SMCO4: variants seen among roughly 807,000 people sequenced by gnomAD.
SMCO4 encodes single-pass membrane and coiled-coil domain-containing protein 4.
In SMCO4, 4 loss-of-function variants were observed where a neutral mutation model predicts 3.6. The observed-to-expected ratio is 1.11, with a 90% CI of 0.54 to 2.53. The LOEUF (loss-of-function observed/expected upper bound fraction) is 2.53, where lower values mean the gene tolerates loss of function less well. Among genes scored for constraint, SMCO4 ranks in the 30% most tolerant of loss-of-function variants. The pLI is 0.02. For synonymous variants in SMCO4, 36 were observed against 35.3 expected (o/e 1.02, Z -0.07); for missense variants, 70 against 80.8 (o/e 0.87, Z 0.51).
At chr11:93,514,585 G>A (rs1375340279) in intron 1 of SMCO4, among the ~76,000 whole-genome samples, 2 of 151,218 alleles carry the variant, frequency 1.3e-5, no homozygotes, top group South Asian at 2.1e-4. Flanking sequence ...TTTTCCATAC[G>A]TACATGATTT....
At chr11:93,515,917 T>G (rs1250750723) in intron 1 of SMCO4, among the ~76,000 whole-genome samples, 1 of 152,184 alleles carries the variant, frequency 6.6e-6, no homozygotes, top group African/African-American at 2.4e-5. Flanking sequence ...CTCTCCAGTC[T>G]GACCCCCTTT....
intron 1 of SMCO4, chr11:93,523,414 C>G (rs1382091099): frequency 6.6e-6 from 1 of 152,638 alleles, no homozygotes; most frequent in African/African-American, 2.4e-5. Context: ...TCCCAGCACT[C>G]TGGGAGGCCA....
chr11:93,500,762 G>A (rs1012512196), intron 1 of SMCO4, among the ~76,000 whole-genome samples: 1 of 152,224 alleles, frequency 6.6e-6, no homozygotes, highest in Admixed American at 6.5e-5. Flanking sequence ...GAGTTAGAGG[G>A]TCTATAAAGA....
At chr11:93,505,755 A>G (rs1024641672) in intron 1 of SMCO4, among the ~76,000 whole-genome samples, 1 of 152,188 alleles carries the variant, frequency 6.6e-6, no homozygotes, top group African/African-American at 2.4e-5. Context: ...ATTCATCAAC[A>G]CTTACTGATA....
At chr11:93,527,501 G>A (rs2134627550) in intron 1 of SMCO4, among the ~76,000 whole-genome samples, 1 of 152,310 alleles carries the variant, frequency 6.6e-6, no homozygotes, top group East Asian at 1.9e-4. Flanking sequence ...CTGTCACCCA[G>A]GCTGGAGTGC....
chr11:93,522,554 A>G (rs527864078), intron 1 of SMCO4, among the ~76,000 whole-genome samples: 17 of 152,234 alleles, frequency 1.1e-4, no homozygotes, highest in Non-Finnish European at 2.5e-4. Flanking sequence ...CATCCGTTGT[A>G]TTCCACATGG....
rs567230081 is a variant in SMCO4, at chr11:93,538,362, A to G, written c.-154+4914T>C. On this transcript the variant is annotated intron_variant, in intron 1 of 2. Coordinates refer to ENST00000298966, the MANE Select transcript of SMCO4 (RefSeq NM_020179.3). ...GATCAACTCTTATGGAATAGCCAAA[A>G]CTGAGGACCAAACCCTGGTGGGTCC... is the stretch of plus-strand genomic sequence containing the variant. 4.6e-5 allele frequency among the ~76,000 whole-genome samples: 7 copies of G among 152,330 alleles called. No individual in the cohort carries two copies. In the East Asian group the frequency reaches 1.4e-3, roughly 29 times the overall value.
rs188680988 is a variant in SMCO4, at chr11:93,508,874, C to G, written c.-153-9526G>C. 3.9e-5 allele frequency among the ~76,000 whole-genome samples: 6 copies of G among 152,310 alleles called. No homozygotes were observed. The East Asian group carries it at 1.2e-3, about 29-fold the overall frequency. On this transcript the variant is annotated intron_variant, in intron 1 of 2. Coordinates refer to ENST00000298966, the MANE Select transcript of SMCO4 (RefSeq NM_020179.3). The stretch of plus-strand genomic sequence containing the variant: ...GAAGGAGCAGGAAACACTTCCAGAG[C>G]AAAGTAGACCTCTGCAGAGCCTGGA...
At chr11:93,543,064 G>A (rs1034296663) in intron 1 of SMCO4, among the ~76,000 whole-genome samples, 1 of 151,742 alleles carries the variant, frequency 6.6e-6, no homozygotes, top group Non-Finnish European at 1.5e-5. Context: ...CGAGTCCCTC[G>A]GGCCCCCAAC....
upstream of SMCO4, among the ~76,000 whole-genome samples, chr11:93,544,677 TA>T (rs1949301539): frequency 6.6e-6 from 1 of 152,074 alleles, no homozygotes; most frequent in African/African-American, 2.4e-5. Flanking sequence ...TCCTGCTGCG[TA>T]CAAAAGGCAG....
chr11:93,513,192 T>G (rs575123253), intron 1 of SMCO4, among the ~76,000 whole-genome samples: 13 of 152,320 alleles, frequency 8.5e-5, no homozygotes, highest in African/African-American at 3.1e-4. Context: ...TGAGTTTCAG[T>G]TCCCTCTTTT....
chr11:93,494,983 C>T (rs968468355), intron 2 of SMCO4, among the ~76,000 whole-genome samples: 53 of 152,232 alleles, frequency 3.5e-4, no homozygotes, highest in African/African-American at 1.2e-3. Flanking sequence ...ACCACAGCAG[C>T]GACCCTCCTC....
At chr11:93,481,134 G>C (rs1948587863) in intron 2 of SMCO4, among the ~76,000 whole-genome samples, 1 of 152,102 alleles carries the variant, frequency 6.6e-6, no homozygotes, top group South Asian at 2.1e-4. Flanking sequence ...TCTTCCAAAG[G>C]ACTTCCAGGC....
chr11:93,493,181 A>C (rs978254859), intron 2 of SMCO4, among the ~76,000 whole-genome samples: 3 of 152,190 alleles, frequency 2.0e-5, no homozygotes, highest in African/African-American at 7.2e-5. Context: ...TGAGCACTGA[A>C]GACAAGGTTT....
In SMCO4 at chr11:93,514,375, T is replaced by C. The variant is rs1227225859; in HGVS notation, c.-153-15027A>G. Among the ~76,000 whole-genome samples, 32 of 2,588 alleles carry C rather than the reference T, an allele frequency of 0.012. No homozygotes were observed. In the South Asian group the frequency reaches 0.19, roughly 15 times the overall value. 1.7% of individuals were successfully genotyped at this position (2,588 alleles called of 152,430 possible). On this transcript the variant is annotated intron_variant, in intron 1 of 2. Coordinates refer to ENST00000298966, the MANE Select transcript of SMCO4 (RefSeq NM_020179.3). ...AAGGAAAAATAAAACAGGATGAGGC[T>C]ATATATATATATATATATATATATA... is the stretch of plus-strand genomic sequence containing the variant.
chr11:93,549,597 C>G, the SMCO4 span, among the ~76,000 whole-genome samples: 8 of 149,542 alleles, frequency 5.3e-5, no homozygotes, highest in Non-Finnish European at 8.9e-5. Flanking sequence ...CACAGGCATG[C>G]ACCACCATGC....
In SMCO4 at chr11:93,520,188, T is replaced by A. The variant is rs1403492924; in HGVS notation, c.-153-20840A>T. On this transcript the variant is annotated intron_variant, in intron 1 of 2. Transcript: ENST00000298966. ...AACTCCCTTGTTTTAGAGAAAAGAA[T>A]CCTGAAGTTTAGGAGTTCAGCAACA... Among the ~76,000 whole-genome samples the A allele has an allele frequency of 2.0e-5, 3 of 152,120 alleles. No individual in the cohort carries two copies. The East Asian group carries it at 5.8e-4, about 29-fold the overall frequency.
At chr11:93,484,066 A>C (rs1948621365) in intron 2 of SMCO4, among the ~76,000 whole-genome samples, 1 of 152,136 alleles carries the variant, frequency 6.6e-6, no homozygotes, top group Non-Finnish European at 1.5e-5. Flanking sequence ...CGGAAACTTC[A>C]CAAATGCCTG....
At chr11:93,499,091 C>G (rs1043036962) in intron 2 of SMCO4, among the ~76,000 whole-genome samples, 185 bp downstream of exon 2, 1 of 152,022 alleles carries the variant, frequency 6.6e-6, no homozygotes, top group African/African-American at 2.4e-5. Flanking sequence ...TCACCCGCAG[C>G]CTGGAGGAGA....
Sources: gnomAD v4.1 joint callset for allele counts (sites outside exome capture counted in the v4.1 genomes callset) on GRCh38, gnomAD v4.1.1 for gene constraint, MANE v1.5 for transcripts, NCBI Gene and HGNC (gene_info 2026-07-23, HGNC 2026-07-21) for gene names.